Variants in IGF1R observed in about 807,000 individuals in gnomAD.
The protein encoded by IGF1R is insulin like growth factor 1 receptor.
IGF1R carries 44 observed loss-of-function variants against 144.6 expected under a neutral mutation model. The observed-to-expected ratio is 0.30, with a 90% CI of 0.24 to 0.39. The LOEUF is 0.39. Ranked by LOEUF, IGF1R falls within the 10% of genes least tolerant of loss-of-function variation. The pLI is 1.00. For missense variants in IGF1R, 1,355 were observed against 1,833.7 expected, an observed-to-expected ratio of 0.74 and a Z score of 4.77; for synonymous variants, 795 against 722.8, an observed-to-expected ratio of 1.10 and a Z score of -1.60.
chr15:98,878,023 C>T (rs2013150185), intron 2 of IGF1R, among the ~76,000 whole-genome samples: 1 of 152,222 alleles, frequency 6.6e-6, no homozygotes, highest in African/African-American at 2.4e-5. Flanking sequence ...GCAGAAGTGA[C>T]ATTTGCAGCC....
intron 20 of IGF1R, chr15:98,954,359 A>G (rs946524193): frequency 6.6e-6 from 1 of 151,824 alleles, no homozygotes; most frequent in Admixed American, 6.6e-5. Flanking sequence ...AGCATTCGAG[A>G]AGGATGGCGC....
intron 13 of IGF1R, among the ~76,000 whole-genome samples, chr15:98,927,633 C>T (rs986090324): frequency 2.6e-5 from 4 of 152,100 alleles, no homozygotes; most frequent in Admixed American, 6.5e-5. Context: ...GCCAGCTTTC[C>T]GTTGGTAATG....
chr15:98,940,511 C>G (rs1393512518), intron 18 of IGF1R, among the ~76,000 whole-genome samples: 1 of 152,228 alleles, frequency 6.6e-6, no homozygotes. Context: ...TCAAGTGATT[C>G]TCCTGCCTCA....
At chr15:98,941,110 C>T (rs1052794187) in intron 18 of IGF1R, among the ~76,000 whole-genome samples, 2 of 152,214 alleles carry the variant, frequency 1.3e-5, no homozygotes, top group South Asian at 2.1e-4. Flanking sequence ...CCAGTTCTGC[C>T]GCTAATGGGT....
At chr15:98,653,386 C>T (rs1394597613) in intron 1 of IGF1R, among the ~76,000 whole-genome samples, 1 of 152,186 alleles carries the variant, frequency 6.6e-6, no homozygotes, top group African/African-American at 2.4e-5. Flanking sequence ...TTTAAACACT[C>T]ATTTTTTGAT....
chr15:98,826,091 C>T (rs1330885059), intron 2 of IGF1R, among the ~76,000 whole-genome samples: 2 of 152,190 alleles, frequency 1.3e-5, no homozygotes, highest in Non-Finnish European at 2.9e-5. Context: ...GTTAAATGCC[C>T]ATGAAGCAGG....
chr15:98,770,755 C>T lies in IGF1R; in HGVS notation c.640+62648C>T, dbSNP rs948908413. ...CAATCACTGTCTCTCAGGTCCCTCC[C>T]GCTCCCTGCCGTGTCCTGGTTCTAC... On this transcript the variant is annotated intron_variant, in intron 2 of 20. Transcript: ENST00000650285. Among the ~76,000 whole-genome samples the T allele has an allele frequency of 3.9e-5, 6 of 152,082 alleles. No homozygotes were observed. The South Asian group carries it at 6.2e-4, about 16-fold the overall frequency.
chr15:98,661,844 C>T (rs59827601), intron 1 of IGF1R, among the ~76,000 whole-genome samples: 1,656 of 151,892 alleles, frequency 0.011, 42 homozygotes, highest in African/African-American at 0.038. Flanking sequence ...TAAATGGATG[C>T]TTTTCTCTTT....
At chr15:98,878,577 A>G (rs2013178000) in intron 2 of IGF1R, among the ~76,000 whole-genome samples, 2 of 147,738 alleles carry the variant, frequency 1.4e-5, no homozygotes, top group African/African-American at 2.5e-5. Context: ...TTACGTACAC[A>G]TGCCTGTTGC....
chr15:98,915,484 T>C (rs1384185451), intron 8 of IGF1R, among the ~76,000 whole-genome samples: 1 of 152,192 alleles, frequency 6.6e-6, no homozygotes, highest in Non-Finnish European at 1.5e-5. Flanking sequence ...ACACAGACTC[T>C]CCAGGCCCCT....
rs190340575 is a variant in IGF1R, at chr15:98,879,940, G to A, written c.641-11385G>A. Among the ~76,000 whole-genome samples the A allele has an allele frequency of 2.9e-3, 442 of 152,280 alleles. 10 individuals are homozygous for A. The highest frequency in any genetic ancestry group is 5.2e-3 in the South Asian group (25 of 4,816). ...TATCCAGAATAGGCAAATCTATAGC[G>A]ACGAAAAGTGTAATAGTGATTGCCT... On this transcript the variant is annotated intron_variant, in intron 2 of 20. Transcript: ENST00000650285.
At chr15:98,810,427 A>G (rs917961585) in intron 2 of IGF1R, among the ~76,000 whole-genome samples, 3 of 152,204 alleles carry the variant, frequency 2.0e-5, no homozygotes, top group Non-Finnish European at 4.4e-5. Flanking sequence ...TCTTTGGATA[A>G]ATTAATCTTG....
chr15:98,811,807 T>C (rs1013156332), intron 2 of IGF1R, among the ~76,000 whole-genome samples: 2 of 151,902 alleles, frequency 1.3e-5, no homozygotes, highest in Non-Finnish European at 2.9e-5. Flanking sequence ...GCGCCTGTAG[T>C]CCCAGCTACT....
chr15:98,859,513 C>G (rs577049709), intron 2 of IGF1R, among the ~76,000 whole-genome samples: 1 of 152,182 alleles, frequency 6.6e-6, no homozygotes, highest in Admixed American at 6.5e-5. Context: ...CTTTCCAGTT[C>G]GTAAGCTTTG....
At chr15:98,852,570 G>A (rs1425923125) in intron 2 of IGF1R, among the ~76,000 whole-genome samples, 1 of 152,148 alleles carries the variant, frequency 6.6e-6, no homozygotes, top group Non-Finnish European at 1.5e-5. Context: ...AGCAGAGGAG[G>A]AGTAACCTTC....
intron 9 of IGF1R, 52 bp downstream of exon 9, chr15:98,916,183 G>C (rs776939685): frequency 6.4e-7 from 1 of 1,561,822 alleles, no homozygotes; most frequent in South Asian, 1.1e-5. Flanking sequence ...CATTCCTGTG[G>C]TTGTAATGTG....
At chr15:98,682,574 A>G (rs1461225422) in intron 1 of IGF1R, among the ~76,000 whole-genome samples, 1 of 151,886 alleles carries the variant, frequency 6.6e-6, no homozygotes, top group Non-Finnish European at 1.5e-5. Context: ...TGGAGACAGA[A>G]TCTTACTCTG....
chr15:98,951,539 G>A (rs1024272892), intron 20 of IGF1R, among the ~76,000 whole-genome samples: 6 of 152,258 alleles, frequency 3.9e-5, no homozygotes, highest in African/African-American at 1.2e-4. Context: ...TTCTGAAGGC[G>A]AGGAACGCAG....
At position 98,669,671 on chromosome 15, in the gene IGF1R, A is replaced by AAC. The variant is rs201019531; in HGVS notation, c.94+19999_94+20000dup. 7.1e-3 allele frequency among the ~76,000 whole-genome samples: 1,079 copies of AAC among 152,256 alleles called. 18 individuals carry two copies. The highest frequency in any genetic ancestry group is 0.025 in the African/African-American group (1,030 of 41,552). On this transcript the variant is annotated intron_variant, in intron 1 of 20. Coordinates refer to ENST00000650285, the MANE Select transcript of IGF1R (RefSeq NM_000875.5). ...GTCTTCCCATTAGGGCAGTGGGTGA[A>AAC]ACACTGACTTCCCTCCATCCTCTGG...
Sources: allele counts gnomAD v4.1 joint callset (sites outside exome capture counted in the v4.1 genomes callset), GRCh38; gene constraint gnomAD v4.1.1; transcripts MANE v1.5; gene names NCBI Gene and HGNC (gene_info 2026-07-23, HGNC 2026-07-21).